FYB1: variants seen among roughly 807,000 people sequenced by gnomAD.
FYB1 encodes FYN binding protein 1, also known as FYN-binding protein 1.
FYB1 carries 41 observed loss-of-function variants against 94.1 expected under a neutral mutation model. That is an observed-to-expected ratio of 0.44 (90% confidence interval 0.34 to 0.57). FYB1 has a LOEUF of 0.57. Among genes scored for constraint, FYB1 ranks in the 20% least tolerant of loss-of-function variants. The probability of loss-of-function intolerance (pLI) is 0.02; values close to 1 mark genes in which losing one functional copy is unlikely to be tolerated. For missense variants in FYB1, 1,050 were observed against 976.8 expected (o/e 1.07, Z -1.00); for synonymous variants, 367 against 353.2 (o/e 1.04, Z -0.44).
chr5:39,125,864 G>T, intron 12 of FYB1, 134 bp downstream of exon 12: 1 of 871,352 alleles, frequency 1.1e-6, no homozygotes, highest in Non-Finnish European at 1.7e-6. Context: ...GGGCTAAGAT[G>T]ATTAACGGAA....
At chr5:39,179,228 G>A (rs1745999201) in intron 2 of FYB1, among the ~76,000 whole-genome samples, 1 of 152,146 alleles carries the variant, frequency 6.6e-6, no homozygotes, top group African/African-American at 2.4e-5. Context: ...CCAAAGTCTG[G>A]CAACTATGGA....
chr5:39,160,994 C>T (rs1744193320), intron 2 of FYB1, among the ~76,000 whole-genome samples: 1 of 152,212 alleles, frequency 6.6e-6, no homozygotes, highest in Admixed American at 6.5e-5. Context: ...AAAAAACTGC[C>T]TGCCCTTTTG....
At chr5:39,256,190 G>T (rs1187480077) in intron 1 of FYB1, among the ~76,000 whole-genome samples, 1 of 152,172 alleles carries the variant, frequency 6.6e-6, no homozygotes, top group Non-Finnish European at 1.5e-5. Flanking sequence ...ACCTGCCCAA[G>T]AAGGCATTTT....
At chr5:39,240,067 A>C (rs968941811) in intron 1 of FYB1, among the ~76,000 whole-genome samples, 21 of 152,184 alleles carry the variant, frequency 1.4e-4, no homozygotes, top group African/African-American at 4.1e-4. Flanking sequence ...TATAACAAGC[A>C]ATGAGGAAAG....
intron 1 of FYB1, among the ~76,000 whole-genome samples, chr5:39,249,957 GT>G (rs1235556373): frequency 6.6e-6 from 1 of 152,154 alleles, no homozygotes. Context: ...CATGGGGGTG[GT>G]TTCCCCCATG....
chr5:39,199,878 A>G (rs1461142749), intron 2 of FYB1, among the ~76,000 whole-genome samples: 2 of 152,232 alleles, frequency 1.3e-5, no homozygotes, highest in African/African-American at 4.8e-5. Flanking sequence ...AATGCTTTTT[A>G]AAAAGGTGAA....
chr5:39,209,049 A>G (rs13356474), intron 1 of FYB1: 15,692 of 151,120 alleles, frequency 0.1, 1,336 homozygotes, highest in African/African-American at 0.23. Context: ...CACAATGCGC[A>G]CACACACACA....
At chr5:39,159,090 A>G (rs532182149) in intron 2 of FYB1, among the ~76,000 whole-genome samples, 1 of 152,216 alleles carries the variant, frequency 6.6e-6, no homozygotes, top group African/African-American at 2.4e-5. Flanking sequence ...AAAAGTCTGA[A>G]GCATTGCATA....
At position 39,153,498 on chromosome 5, in the gene FYB1, T is replaced by C. The variant is rs781277665; in HGVS notation, c.1242A>G (p.Pro414=). Residue 414 remains proline (P), a synonymous_variant, in exon 3 of 19, where the codon CCA becomes CCG. Transcript: ENST00000512982. ...PPLPASHPSQ[P]PVPSLPPRNI... The stretch of plus-strand genomic sequence containing the variant: ...TTCTGGGAGGTAGGCTTGGGACTGG[T>C]GGTTGTGATGGGTGAGATGCTGGCA... 1.2e-6 allele frequency: 2 copies of C among 1,613,746 alleles called. No individual in the cohort carries two copies. Among genetic ancestry groups the C allele is most frequent in the South Asian group, 2.2e-5 (2 of 91,068 alleles).
At chr5:39,156,761 A>C (rs1192947899) in intron 2 of FYB1, among the ~76,000 whole-genome samples, 3 of 152,190 alleles carry the variant, frequency 2.0e-5, no homozygotes, top group Non-Finnish European at 4.4e-5. Flanking sequence ...TTAATGTCTA[A>C]CGATTGACAT....
At chr5:39,238,246 C>CA (rs1366776328) in intron 1 of FYB1, among the ~76,000 whole-genome samples, 1 of 151,858 alleles carries the variant, frequency 6.6e-6, no homozygotes, top group East Asian at 1.9e-4. Context: ...ATATTATATA[C>CA]ATCCTATAAT....
At chr5:39,121,004 G>A (rs573912562) in intron 14 of FYB1, among the ~76,000 whole-genome samples, 2 of 151,880 alleles carry the variant, frequency 1.3e-5, no homozygotes, top group East Asian at 1.9e-4. Context: ...AATAGAATAC[G>A]ACATTAGAGA....
At chr5:39,126,215 T>A in intron 11 of FYB1, 80 bp from the exon 12 acceptor site, 3 of 1,389,688 alleles carry the variant, frequency 2.2e-6, no homozygotes, top group Non-Finnish European at 2.0e-6. Context: ...AGATTCTTTA[T>A]AATCATTAAT....
chr5:39,259,086 A>G (rs1295226938), intron 1 of FYB1, among the ~76,000 whole-genome samples: 3 of 152,210 alleles, frequency 2.0e-5, no homozygotes, highest in African/African-American at 7.2e-5. Context: ...TCACACCACC[A>G]TGGGCCATTC....
At chr5:39,134,072 G>C in intron 9 of FYB1, 136 bp downstream of exon 9, 1 of 581,566 alleles carries the variant, frequency 1.7e-6, no homozygotes, top group Non-Finnish European at 3.0e-6. Context: ...CCATGTTGGG[G>C]TTATTGTAAG....
At chr5:39,108,743 T>C (rs1399854583) in intron 17 of FYB1, among the ~76,000 whole-genome samples, 1 of 152,092 alleles carries the variant, frequency 6.6e-6, no homozygotes, top group Admixed American at 6.6e-5. Flanking sequence ...ATAAAATATA[T>C]AAATATTAGT....
At chr5:39,220,545 G>T (rs140784024), upstream of FYB1, among the ~76,000 whole-genome samples, 82 of 152,144 alleles carry the variant, frequency 5.4e-4, no homozygotes, top group Middle Eastern at 3.4e-3. Context: ...CAAAACAGAG[G>T]CTACCATTGG....
chr5:39,237,868 C>T (rs923475203), intron 1 of FYB1, among the ~76,000 whole-genome samples: 5 of 152,106 alleles, frequency 3.3e-5, no homozygotes, highest in African/African-American at 1.2e-4. Context: ...GCTAAAGCAT[C>T]ACTCAGGGAA....
At chr5:39,127,449 T>C (rs1329986550) in intron 11 of FYB1, among the ~76,000 whole-genome samples, 2 of 92,230 alleles carry the variant, frequency 2.2e-5, no homozygotes, top group Admixed American at 2.4e-4. Context: ...AGACTCTGTC[T>C]CAAAAAAAAA....
Sources: gnomAD v4.1 joint callset for allele counts (sites outside exome capture counted in the v4.1 genomes callset) on GRCh38, gnomAD v4.1.1 for gene constraint, MANE v1.5 for transcripts, NCBI Gene and HGNC (gene_info 2026-07-23, HGNC 2026-07-21) for gene names.